Variants in COL21A1 observed in about 807,000 individuals in gnomAD.
The protein encoded by COL21A1 is collagen alpha-1(XXI) chain.
A neutral mutation model predicts 137.9 loss-of-function variants in COL21A1; 149 were observed. The ratio of observed to expected loss-of-function variants is 1.08; its 90% CI spans 0.95 to 1.24. COL21A1 has a LOEUF of 1.24. COL21A1 is among the 50% of genes most tolerant of loss of function. The probability of loss-of-function intolerance (pLI) is 0.00; values close to 1 mark genes in which losing one functional copy is unlikely to be tolerated. For missense variants in COL21A1, 1,167 were observed against 1,158.4 expected (o/e 1.01, Z -0.11); for synonymous variants, 456 against 391.5 (o/e 1.16, Z -1.95).
intron 17 of COL21A1, among the ~76,000 whole-genome samples, chr6:56,101,269 T>C (rs918711093): frequency 6.6e-6 from 1 of 152,196 alleles, no homozygotes; most frequent in Admixed American, 6.5e-5. Context: ...TCACACTGTT[T>C]GCAAAATTCT....
intron 1 of COL21A1, among the ~76,000 whole-genome samples, chr6:56,308,942 G>C (rs912926445): frequency 6.6e-6 from 1 of 152,050 alleles, no homozygotes; most frequent in Non-Finnish European, 1.5e-5. Flanking sequence ...ATAAGCTTTA[G>C]ATTTACTATC....
chr6:56,116,414 A>AC (rs1333550576), intron 16 of COL21A1, among the ~76,000 whole-genome samples: 2 of 150,796 alleles, frequency 1.3e-5, no homozygotes, highest in African/African-American at 2.4e-5. Context: ...AAAAAAAAAA[A>AC]AAAAAAAAAA....
intron 3 of COL21A1, among the ~76,000 whole-genome samples, chr6:56,173,915 C>T (rs1777252447): frequency 6.6e-6 from 1 of 152,144 alleles, no homozygotes; most frequent in African/African-American, 2.4e-5. Context: ...GCACATGAAA[C>T]ATTCTCCAGG....
chr6:56,067,174 A>G, intron 23 of COL21A1, 121 bp downstream of exon 23: 1 of 823,710 alleles, frequency 1.2e-6, no homozygotes, highest in Non-Finnish European at 1.8e-6. Flanking sequence ...CAAAAGGAGA[A>G]AATAGGATTT....
intron 1 of COL21A1, among the ~76,000 whole-genome samples, chr6:56,301,855 C>CA (rs1336454139): frequency 5.9e-4 from 20 of 34,112 alleles, no homozygotes; most frequent in Non-Finnish European, 3.2e-3. Flanking sequence ...TGCTATTTCT[C>CA]CCCCCCCCAA....
At position 56,060,977 on chromosome 6, in the gene COL21A1, C is replaced by T. The variant is rs761555786; in HGVS notation, c.2266G>A (p.Val756Met). The change falls in exon 26 of 30, where the codon GTG becomes ATG. Residue 756 changes from valine to methionine, a missense_variant. By Grantham distance (21) the Val-to-Met change is conservative (BLOSUM62 1). Transcript: ENST00000244728. ...GAIGSKGESG[V>M]DGLMGPAGPK... is the part of the protein sequence containing the mutation. ...CCTGCGGGCCCCATCAAGCCATCCACCCCAGATTCTCCTTTTGATCCAATG... is the reference window on the plus strand; with the variant it reads ...CCTGCGGGCCCCATCAAGCCATCCATCCCAGATTCTCCTTTTGATCCAATG... 4.4e-6 allele frequency: 7 copies of T among 1,608,314 alleles called. No individual in the cohort carries two copies. Among genetic ancestry groups the T allele is most frequent in the African/African-American group, 2.7e-5 (2 of 74,468 alleles).
chr6:56,116,013 C>T (rs1473937146), intron 16 of COL21A1, among the ~76,000 whole-genome samples: 1 of 151,598 alleles, frequency 6.6e-6, no homozygotes, highest in Non-Finnish European at 1.5e-5. Context: ...TAGAGTATGC[C>T]TACAGGATCT....
intron 1 of COL21A1, among the ~76,000 whole-genome samples, chr6:56,392,776 TA>T (rs2152354209): frequency 6.6e-6 from 1 of 152,228 alleles, no homozygotes; most frequent in Non-Finnish European, 1.5e-5. Context: ...TGCCTAGGAA[TA>T]ATCTTACCCA....
At chr6:56,151,838 G>T (rs146071947) in intron 10 of COL21A1, among the ~76,000 whole-genome samples, 1 of 152,116 alleles carries the variant, frequency 6.6e-6, no homozygotes, top group East Asian at 1.9e-4. Flanking sequence ...ACATACTAAT[G>T]ACCCTCAGCT....
intron 10 of COL21A1, among the ~76,000 whole-genome samples, chr6:56,150,379 G>T (rs1582489198): frequency 6.6e-6 from 1 of 152,248 alleles, no homozygotes; most frequent in Non-Finnish European, 1.5e-5. Context: ...TTAGCAGGGC[G>T]TGGTGGCGGG....
At chr6:56,086,025 T>C (rs533397667) in intron 17 of COL21A1, among the ~76,000 whole-genome samples, 34 of 150,814 alleles carry the variant, frequency 2.3e-4, no homozygotes, top group Non-Finnish European at 4.3e-4. Context: ...GAGACTCTCC[T>C]GAAAACTATC....
intron 3 of COL21A1, 145 bp downstream of exon 3, chr6:56,179,433 A>G: frequency 1.5e-6 from 1 of 678,230 alleles, no homozygotes; most frequent in Non-Finnish European, 2.4e-6. Context: ...TAAATATAAC[A>G]TTTATAACAT....
intron 17 of COL21A1, among the ~76,000 whole-genome samples, chr6:56,082,081 G>A (rs771906631): frequency 5.3e-5 from 8 of 151,946 alleles, no homozygotes; most frequent in South Asian, 2.1e-4. Flanking sequence ...ACAATGTTAC[G>A]TTGCAAAAGC....
rs566434459 is a variant in COL21A1 at position 56,111,591 on chromosome 6, T to C, written c.1759-10066A>G. Among the ~76,000 whole-genome samples the C allele has an allele frequency of 1.6e-4, 24 of 152,086 alleles. 1 individual carries two copies. The South Asian group carries it at 2.3e-3, about 14-fold the overall frequency. On this transcript the variant is annotated intron_variant, in intron 16 of 29. Transcript: ENST00000244728. ...CCACACTAAAAACTTTGGCCAGGCA[T>C]GGTGGCTCATGCCTGTAATCCCAGC... is the stretch of plus-strand genomic sequence containing the variant.
chr6:56,073,159 C>A (rs1766906491), intron 20 of COL21A1, among the ~76,000 whole-genome samples: 1 of 151,010 alleles, frequency 6.6e-6, no homozygotes, highest in Admixed American at 6.6e-5. Context: ...ATTAGAGAAT[C>A]CAAAAGACAT....
At chr6:56,350,696 T>G (rs1258161936) in intron 1 of COL21A1, among the ~76,000 whole-genome samples, 1 of 152,176 alleles carries the variant, frequency 6.6e-6, no homozygotes, top group African/African-American at 2.4e-5. Flanking sequence ...ATATAAGCAT[T>G]GCCCGATGTG....
At chr6:56,331,206 T>C (rs1765215157) in intron 1 of COL21A1, among the ~76,000 whole-genome samples, 1 of 152,076 alleles carries the variant, frequency 6.6e-6, no homozygotes. Context: ...TAGTCCATTG[T>C]TGGATGCATA....
At chr6:56,226,403 C>T (rs996866848) in intron 1 of COL21A1, among the ~76,000 whole-genome samples, 1 of 152,008 alleles carries the variant, frequency 6.6e-6, no homozygotes. Flanking sequence ...ATATTTGTCC[C>T]TCTTCCTCAT....
chr6:56,069,150 G>A, intron 21 of COL21A1, 33 bp from the exon 22 acceptor site: 1 of 1,419,608 alleles, frequency 7.0e-7, no homozygotes, highest in East Asian at 2.4e-5. Flanking sequence ...AAAGATCACA[G>A]ATCTACTGCT....
Sources: gnomAD v4.1 joint callset for allele counts (sites outside exome capture counted in the v4.1 genomes callset) on GRCh38, gnomAD v4.1.1 for gene constraint, MANE v1.5 for transcripts, NCBI Gene and HGNC (gene_info 2026-07-23, HGNC 2026-07-21) for gene names.